The following PPP1R14C variants were observed in gnomAD, a reference collection of about 807,000 sequenced individuals.
PPP1R14C encodes protein phosphatase 1 regulatory subunit 14C.
A neutral mutation model predicts 20.4 loss-of-function variants in PPP1R14C; 16 were observed. The ratio of observed to expected loss-of-function variants is 0.78; its 90% confidence interval spans 0.53 to 1.19. The LOEUF (loss-of-function observed/expected upper bound fraction) is 1.19, where lower values mean the gene tolerates loss of function less well. PPP1R14C is among the 50% of genes most tolerant of loss of function. PPP1R14C has a pLI of 0.00. For missense variants in PPP1R14C, 211 were observed against 220.1 expected (o/e 0.96, Z 0.26); for synonymous variants, 91 against 91.0 (o/e 1.00, Z 0.00).
At chr6:150,221,653 C>A (rs1009020424) in intron 3 of PPP1R14C, among the ~76,000 whole-genome samples, 2 of 152,064 alleles carry the variant, frequency 1.3e-5, no homozygotes, top group Admixed American at 1.3e-4. Context: ...AAGTCTTATG[C>A]CAATGCTAGC....
chr6:150,187,040 A>G (rs1554219023), intron 1 of PPP1R14C, among the ~76,000 whole-genome samples: 1 of 151,884 alleles, frequency 6.6e-6, no homozygotes, highest in African/African-American at 2.4e-5. Flanking sequence ...CAATGGTGCA[A>G]TCTTGGCTCA....
chr6:150,248,863 C>G lies in PPP1R14C; in HGVS notation c.*43C>G, dbSNP rs540384661. On this transcript the variant is annotated 3_prime_UTR_variant, in exon 4 of 4. Transcript: ENST00000361131. ...ACTCTCCCAGAGACGAAGAAAGAGT[C>G]CTGGGATTTGTACTTCATGAAGACT... 1 of 1,334,870 alleles carries G rather than the reference C, an allele frequency of 7.5e-7. No homozygotes were observed. Among genetic ancestry groups the G allele is most frequent in the East Asian group, 2.3e-5 (1 of 43,258 alleles). 82.7% of individuals were successfully genotyped at this position (1,334,870 alleles called of 1,614,324 possible). A position where few individuals can be genotyped will look rare whatever the true frequency, so the allele number is the denominator to read the frequency against.
intron 1 of PPP1R14C, among the ~76,000 whole-genome samples, chr6:150,151,993 G>T (rs948663562): frequency 4.6e-5 from 7 of 151,352 alleles, no homozygotes; most frequent in South Asian, 2.1e-4. Flanking sequence ...AGTGGCGGGC[G>T]CCTGTAGTCC....
Position 150,216,808 on chromosome 6 carries a change from G to T in PPP1R14C, c.391-16G>T. ...TTTAAAATAATAAAACTGATTTTCT[G>T]TGTGTTTAATTCTAGGAAGCTCTTG... On this transcript the variant is annotated splice_polypyrimidine_tract_variant and intron_variant, in intron 2 of 3. Coordinates refer to ENST00000361131, the MANE Select transcript of PPP1R14C (RefSeq NM_030949.3). 2.6e-6 allele frequency: 4 copies of T among 1,561,244 alleles called. No individual in the cohort carries two copies. The highest frequency in any genetic ancestry group is 3.5e-6 in the Non-Finnish European group (4 of 1,147,818).
At chr6:150,157,259 G>A (rs1777315803) in intron 1 of PPP1R14C, among the ~76,000 whole-genome samples, 2 of 152,242 alleles carry the variant, frequency 1.3e-5, no homozygotes, top group Non-Finnish European at 2.9e-5. Flanking sequence ...GGATGTGAGA[G>A]AGTGTGGTCT....
chr6:150,154,556 G>C (rs975314758), intron 1 of PPP1R14C, among the ~76,000 whole-genome samples: 4 of 152,356 alleles, frequency 2.6e-5, no homozygotes, highest in African/African-American at 9.6e-5. Flanking sequence ...GGCTGCACTG[G>C]TGAAAGTGAG....
chr6:150,215,796 C>T (rs1396558627), intron 2 of PPP1R14C, among the ~76,000 whole-genome samples: 1 of 152,142 alleles, frequency 6.6e-6, no homozygotes, highest in Non-Finnish European at 1.5e-5. Context: ...TCACCCCGCA[C>T]CCCCCAGTTC....
chr6:150,235,123 T>C (rs1473749757), intron 3 of PPP1R14C, among the ~76,000 whole-genome samples: 5 of 152,228 alleles, frequency 3.3e-5, no homozygotes, highest in Non-Finnish European at 7.3e-5. Flanking sequence ...GATCTCATTT[T>C]GTTGTCCATG....
rs1443338469 is a variant in PPP1R14C, at chr6:150,143,838, G to A, written c.306+340G>A. On this transcript the variant is annotated intron_variant, in intron 1 of 3. Transcript: ENST00000361131. The surrounding 1 kb of genome is among the most constrained non-coding windows in gnomAD (Gnocchi z 5.6). ...CAGCTGCGCAAAGCGGGGCTCGGAG[G>A]GGCTCACTCCAGCTGCGCCTCAGCA... Among the ~76,000 whole-genome samples the A allele has an allele frequency of 6.6e-6, 1 of 152,202 alleles. No homozygotes were observed. Among genetic ancestry groups the A allele is most frequent in the Non-Finnish European group, 1.5e-5 (1 of 68,042 alleles).
At chr6:150,162,399 C>G (rs993934407) in intron 1 of PPP1R14C, among the ~76,000 whole-genome samples, 4 of 152,198 alleles carry the variant, frequency 2.6e-5, no homozygotes, top group African/African-American at 9.6e-5. Flanking sequence ...TTTCCTATTG[C>G]TATCGTTTTG....
chr6:150,211,632 T>C (rs1468523141), intron 1 of PPP1R14C, among the ~76,000 whole-genome samples: 2 of 152,212 alleles, frequency 1.3e-5, no homozygotes, highest in African/African-American at 4.8e-5. Flanking sequence ...AAATTTAGAA[T>C]ATTTCCATAC....
chr6:150,177,464 G>A (rs982838802), intron 1 of PPP1R14C, among the ~76,000 whole-genome samples: 4 of 152,208 alleles, frequency 2.6e-5, no homozygotes, highest in South Asian at 4.1e-4. Context: ...AGCAGAGAAG[G>A]CAAGCGAAGG....
chr6:150,223,486 T>A (rs571297754), intron 3 of PPP1R14C, among the ~76,000 whole-genome samples: 1 of 152,336 alleles, frequency 6.6e-6, no homozygotes, highest in South Asian at 2.1e-4. Context: ...TTCTTGTTGC[T>A]CCACATCCTC....
Position 150,249,827 on chromosome 6 carries a change from G to A in PPP1R14C, c.*1007G>A, listed in dbSNP as rs908453908. 9 of 319,062 alleles carry A rather than the reference G, an allele frequency of 2.8e-5. No individual in the cohort carries two copies. Among genetic ancestry groups the A allele is most frequent in the South Asian group, 3.2e-4 (2 of 6,338 alleles). 19.8% of individuals were successfully genotyped at this position (319,062 alleles called of 1,614,324 possible). On this transcript the variant is annotated 3_prime_UTR_variant, in exon 4 of 4. Coordinates refer to ENST00000361131, the MANE Select transcript of PPP1R14C (RefSeq NM_030949.3). ...AGTATCAGACCAGTGGGAGTAAACC[G>A]AGTGTTAAGTGTCAAGGTGAGAAAG...
intron 1 of PPP1R14C, among the ~76,000 whole-genome samples, chr6:150,197,666 T>C (rs114234224): frequency 0.01 from 1,277 of 125,502 alleles, 33 homozygotes; most frequent in African/African-American, 0.034. Flanking sequence ...GACATCTGTG[T>C]CCCTGCCCGC....
chr6:150,194,002 T>G (rs1418460532), intron 1 of PPP1R14C, among the ~76,000 whole-genome samples: 2 of 152,168 alleles, frequency 1.3e-5, no homozygotes, highest in Non-Finnish European at 2.9e-5. Flanking sequence ...TCCCTGATAC[T>G]GTTCTTATGG....
intron 1 of PPP1R14C, among the ~76,000 whole-genome samples, chr6:150,145,481 T>A (rs7759549): frequency 0.04 from 6,019 of 152,328 alleles, 416 homozygotes; most frequent in African/African-American, 0.14. Flanking sequence ...GTTGGCAATT[T>A]GTAATCACTA....
In PPP1R14C at chr6:150,249,754, A is replaced by G. The variant is rs1256041408; in HGVS notation, c.*934A>G. 2.6e-6 allele frequency: 1 copy of G among 391,700 alleles called. No individual in the cohort carries two copies. The highest frequency in any genetic ancestry group is 2.1e-5 in the African/African-American group (1 of 48,510). 24.3% of individuals were successfully genotyped at this position (391,700 alleles called of 1,614,324 possible). A position where few individuals can be genotyped will look rare whatever the true frequency, so the allele number is the denominator to read the frequency against. ...AGATCAAAAGAAAGTTAGCAGATCG[A>G]GTGTCTTCTTCCTTAGAAATAGGTT... On this transcript the variant is annotated 3_prime_UTR_variant, in exon 4 of 4. Coordinates refer to ENST00000361131, the MANE Select transcript of PPP1R14C (RefSeq NM_030949.3).
intron 3 of PPP1R14C, among the ~76,000 whole-genome samples, chr6:150,218,986 G>GTTT (rs57690424): frequency 2.8e-4 from 42 of 149,370 alleles, no homozygotes; most frequent in African/African-American, 7.4e-4. Context: ...TGCATTTACT[G>GTTT]TTTTTTTTTC....
Sources: allele counts gnomAD v4.1 joint callset (sites outside exome capture counted in the v4.1 genomes callset), GRCh38; gene constraint gnomAD v4.1.1; non-coding constraint Gnocchi (gnomAD v3.1); transcripts MANE v1.5; gene names NCBI Gene and HGNC (gene_info 2026-07-23, HGNC 2026-07-21).